RP1: variants seen among roughly 807,000 people sequenced by gnomAD.
RP1 encodes the protein RP1 axonemal microtubule associated, also known as oxygen-regulated protein 1.
RP1 carries 16 observed loss-of-function variants against 14.8 expected under a neutral mutation model. That is an observed-to-expected ratio of 1.08 (90% confidence interval 0.73 to 1.65). The LOEUF is 1.65. RP1 is among the 40% of genes most tolerant of loss of function. RP1 has a pLI of 0.00. For missense variants in RP1, 2,631 were observed against 2,535.0 expected, an observed-to-expected ratio of 1.04 and a Z score of -0.81; for synonymous variants, 876 against 883.6, an observed-to-expected ratio of 0.99 and a Z score of 0.15.
At chr8:54,570,045 C>T (rs190508895) in intron 1 of RP1, among the ~76,000 whole-genome samples, 1 of 152,276 alleles carries the variant, frequency 6.6e-6, no homozygotes, top group East Asian at 1.9e-4. Flanking sequence ...CGGGAAGCTA[C>T]ATCACGAGCC....
Position 54,630,024 on chromosome 8 carries a change from G to T in RP1, c.6142G>T (p.Asp2048Tyr). ...ATCATTGTTAGTTGTGGGTAATGTG[G>T]ATTCAAATACACAAGACCTCAGCGG... is the stretch of plus-strand genomic sequence containing the variant. ...HTSLLVVGNVDSNTQDLSGQT... is the reference protein window; with the variant it reads ...HTSLLVVGNVYSNTQDLSGQT... The change falls in exon 4 of 4, where the codon GAT (aspartate) becomes TAT (tyrosine). Residue 2048 changes from aspartate to tyrosine, a missense_variant. Physicochemically the swap from Asp to Tyr is radical, Grantham distance 160. Transcript: ENST00000220676. The T allele has an allele frequency of 6.2e-7, 1 of 1,613,922 alleles. No homozygotes were observed. Among genetic ancestry groups the T allele is most frequent in the Non-Finnish European group, 8.5e-7 (1 of 1,179,890 alleles).
intron 1 of RP1, among the ~76,000 whole-genome samples, chr8:54,585,751 C>G (rs1804905816): frequency 6.6e-6 from 1 of 152,170 alleles, no homozygotes; most frequent in African/African-American, 2.4e-5. Context: ...TTCATTTAAT[C>G]TTCCATCACA....
chr8:54,576,235 A>G (rs963069107), intron 1 of RP1, among the ~76,000 whole-genome samples: 6 of 152,224 alleles, frequency 3.9e-5, no homozygotes, highest in South Asian at 2.1e-4. Context: ...TAGTAGAGAC[A>G]GGGTTTCACC....
At chr8:54,850,675 TG>T (rs1238767748) in intron 25 of RP1, among the ~76,000 whole-genome samples, 4 of 152,198 alleles carry the variant, frequency 2.6e-5, no homozygotes, top group African/African-American at 9.6e-5. Context: ...GTTCTCCCTT[TG>T]GGTTAAGTTA....
rs534065860 is a variant in RP1, at chr8:54,753,422, T to C, written c.2809-1381T>C. Among the ~76,000 whole-genome samples, 6 of 152,276 alleles carry C rather than the reference T, an allele frequency of 3.9e-5. No homozygotes were observed. In the South Asian group the frequency reaches 1.0e-3, roughly 26 times the overall value. The stretch of plus-strand genomic sequence containing the variant: ...TAAATCATCAATGGGGAGGCTGCCA[T>C]GGATCACAAAGTAGGGTTACTGAAC... On this transcript the variant is annotated intron_variant, in intron 19 of 22. Transcript: ENST00000636932.
rs764162654 is a variant in RP1, at chr8:54,628,600, C to G, written c.4718C>G (p.Ser1573Ter). The G allele has an allele frequency of 6.2e-7, 1 of 1,613,974 alleles. No homozygotes were observed. Among genetic ancestry groups the G allele is most frequent in the Non-Finnish European group, 8.5e-7 (1 of 1,179,942 alleles). The change falls in exon 4 of 4, where the codon TCA becomes TGA. Residue 1573 changes from serine (S) to a stop codon, truncating the protein, a stop_gained. Coordinates refer to ENST00000220676, the MANE Select transcript of RP1 (RefSeq NM_006269.2). LOFTEE classifies it low-confidence loss of function (END_TRUNC). Reference protein sequence around the residue: ...MVKTMETGSYSESSPDLKKCI... With the variant: ...MVKTMETGSY ...AAAACTATGGAAACTGGAAGTTATT[C>G]AGAGTCCTCTCCTGATTTAAAAAAA... is the stretch of plus-strand genomic sequence containing the variant.
intron 24 of RP1, among the ~76,000 whole-genome samples, chr8:54,801,205 G>A (rs1312689914): frequency 6.6e-6 from 1 of 152,192 alleles, no homozygotes. Flanking sequence ...TGTCTACCTG[G>A]CTTTGGCTCT....
At chr8:54,784,372 A>G (rs1422832625) in intron 24 of RP1, among the ~76,000 whole-genome samples, 2 of 152,186 alleles carry the variant, frequency 1.3e-5, no homozygotes, top group African/African-American at 4.8e-5. Context: ...CCTGTATTAC[A>G]TACAATATGG....
downstream of RP1, among the ~76,000 whole-genome samples, chr8:54,774,315 G>T (rs1357016892): frequency 6.6e-6 from 1 of 152,156 alleles, no homozygotes; most frequent in Non-Finnish European, 1.5e-5. Context: ...TGCATAATTT[G>T]TGAAGCTGAG....
At chr8:54,653,461 G>T (rs1230627910) in intron 5 of RP1, among the ~76,000 whole-genome samples, 1 of 152,076 alleles carries the variant, frequency 6.6e-6, no homozygotes, top group Non-Finnish European at 1.5e-5. Flanking sequence ...CAAAATAAAT[G>T]CTCTTTAACT....
intron 3 of RP1, among the ~76,000 whole-genome samples, chr8:54,639,586 A>T (rs1238369640): frequency 6.6e-6 from 1 of 152,128 alleles, no homozygotes; most frequent in Non-Finnish European, 1.5e-5. Flanking sequence ...CTATTATTAG[A>T]CTTAAATTTT....
At chr8:54,724,667 C>A (rs1014034103) in intron 16 of RP1, among the ~76,000 whole-genome samples, 1 of 152,094 alleles carries the variant, frequency 6.6e-6, no homozygotes, top group East Asian at 1.9e-4. Flanking sequence ...CACTTTGGTA[C>A]TTGGCTTTTG....
At chr8:54,608,413 C>G (rs777316286) in intron 1 of RP1, among the ~76,000 whole-genome samples, 1 of 152,180 alleles carries the variant, frequency 6.6e-6, no homozygotes, top group African/African-American at 2.4e-5. Flanking sequence ...TAGAAGCCCT[C>G]TCTGCCCTCT....
In RP1 at chr8:54,630,332, T is replaced by C; in HGVS notation, c.6450T>C (p.Ser2150=). The change falls in exon 4 of 4, where the codon AGT becomes AGC. Residue 2150 remains serine, a synonymous_variant. Coordinates refer to ENST00000220676, the MANE Select transcript of RP1 (RefSeq NM_006269.2). ...DILNLTDLES[S]REQEDL is the part of the protein sequence containing the mutation. ...TAAATTTAACTGATCTTGAAAGCAG[T>C]AGAGAACAAGAAGATTTATAATTTC... 2 of 1,613,690 alleles carry C rather than the reference T, an allele frequency of 1.2e-6. No individual in the cohort carries two copies. Among genetic ancestry groups the C allele is most frequent in the Non-Finnish European group, 1.7e-6 (2 of 1,179,762 alleles).
At chr8:54,658,570 A>AT (rs1159097757) in intron 6 of RP1, among the ~76,000 whole-genome samples, 326 of 151,184 alleles carry the variant, frequency 2.2e-3, no homozygotes, top group African/African-American at 7.6e-3. Context: ...AAAAAAAAAA[A>AT]AGACTGCGTA....
At chr8:54,673,761 A>G (rs1585596783) in intron 7 of RP1, 1 of 1,152,592 alleles carries the variant, frequency 8.7e-7, no homozygotes, top group Non-Finnish European at 1.2e-6. Context: ...AACAACAACA[A>G]CAACAACAAA....
chr8:54,696,376 A>G (rs1764864732), intron 12 of RP1: 1 of 604,156 alleles, frequency 1.7e-6, no homozygotes, highest in Non-Finnish European at 2.9e-6. Context: ...TAGAAAATCT[A>G]ACTTTGTGCA....
At chr8:54,654,057 C>A (rs996608317) in intron 5 of RP1, among the ~76,000 whole-genome samples, 1 of 152,176 alleles carries the variant, frequency 6.6e-6, no homozygotes, top group Non-Finnish European at 1.5e-5. Flanking sequence ...TCTCTCACTG[C>A]AAGGGAACTT....
downstream of RP1, among the ~76,000 whole-genome samples, chr8:54,634,427 G>T (rs1322085210): frequency 6.6e-6 from 1 of 152,102 alleles, no homozygotes; most frequent in East Asian, 1.9e-4. Flanking sequence ...AGAATAGTTT[G>T]CATTATCTGT....
Sources: gnomAD v4.1 joint callset for allele counts (sites outside exome capture counted in the v4.1 genomes callset) on GRCh38, gnomAD v4.1.1 for gene constraint, MANE v1.5 for transcripts, NCBI Gene and HGNC (gene_info 2026-07-23, HGNC 2026-07-21) for gene names.